The following GALNT2 variants were observed in gnomAD, a reference collection of about 807,000 sequenced individuals.
The protein encoded by GALNT2 is polypeptide N-acetylgalactosaminyltransferase 2.
Under a neutral mutation model 81.4 loss-of-function variants are expected in GALNT2, and 31 were observed. The ratio of observed to expected loss-of-function variants is 0.38; its 90% CI spans 0.29 to 0.51. The LOEUF is 0.51. GALNT2 is among the 20% of genes least tolerant of loss of function. The pLI, the probability that GALNT2 is intolerant of heterozygous loss-of-function variation, is 0.87. For missense variants in GALNT2, 629 were observed against 765.7 expected (o/e 0.82, Z 2.11); for synonymous variants, 303 against 287.4 (o/e 1.05, Z -0.55).
At chr1:230,067,462 C>T (rs1659230677) in intron 1 of GALNT2, 56 bp downstream of exon 1, 12 of 654,210 alleles carry the variant, frequency 1.8e-5, no homozygotes, top group Admixed American at 4.9e-5. Flanking sequence ...CACCCTGCGC[C>T]CCTGTCCCCT....
At chr1:230,270,750 G>A (rs911305600) in intron 14 of GALNT2, among the ~76,000 whole-genome samples, 49 of 152,212 alleles carry the variant, frequency 3.2e-4, no homozygotes, top group African/African-American at 1.1e-3. Flanking sequence ...TCTGGTTTCC[G>A]GCTGAGCCTT....
intron 6 of GALNT2, among the ~76,000 whole-genome samples, chr1:230,239,069 TG>T (rs1211469542): frequency 3.9e-5 from 6 of 152,186 alleles, no homozygotes; most frequent in Non-Finnish European, 8.8e-5. Context: ...CAAGAAATTT[TG>T]TATTTTATCA....
At chr1:230,217,793 C>T (rs79975717) in intron 3 of GALNT2, among the ~76,000 whole-genome samples, 11 of 152,322 alleles carry the variant, frequency 7.2e-5, no homozygotes, top group Admixed American at 3.9e-4. Context: ...GGACAAACTC[C>T]CTTCATTAAG....
intron 13 of GALNT2, chr1:230,263,870 T>C (rs1427273053): frequency 6.6e-6 from 1 of 152,248 alleles, no homozygotes; most frequent in Non-Finnish European, 1.5e-5. Context: ...TCAGAGCCCT[T>C]GTCACGGAGA....
rs543449421 is a variant in GALNT2 at position 230,170,895 on chromosome 1, G to C, written c.127-7323G>C. Among the ~76,000 whole-genome samples, 8 of 152,256 alleles carry C rather than the reference G, an allele frequency of 5.3e-5. No individual in the cohort carries two copies. In the South Asian group the frequency reaches 1.5e-3, roughly 28 times the overall value. On this transcript the variant is annotated intron_variant, in intron 1 of 15. Transcript: ENST00000366672. Reference sequence around the variant, plus strand: ...CCCATGACGCAAACACCCCCACCAGGCCTCACCTCCAACATTGGGGATCAC... The same window carrying C: ...CCCATGACGCAAACACCCCCACCAGCCCTCACCTCCAACATTGGGGATCAC...
At chr1:230,269,267 C>G (rs1446097672) in intron 14 of GALNT2, among the ~76,000 whole-genome samples, 13 of 150,598 alleles carry the variant, frequency 8.6e-5, no homozygotes, top group Admixed American at 6.0e-4. Flanking sequence ...CTCACTGCCA[C>G]CTCCGCCTCC....
rs530871126 is a variant in GALNT2 at position 230,279,767 on chromosome 1, C to T, written c.*309C>T. The T allele has an allele frequency of 5.1e-5, 26 of 506,588 alleles. No homozygotes were observed. Among genetic ancestry groups the T allele is most frequent in the Non-Finnish European group, 9.2e-5 (24 of 261,928 alleles). The allele number at this position is 506,588 out of a possible 1,614,324, so 31.4% of individuals were successfully genotyped here. A position where few individuals can be genotyped will look rare whatever the true frequency, so the allele number is the denominator to read the frequency against. Reference sequence around the variant, plus strand: ...CAACTGAGTGACACCCAGCGACAACCGACTGGGGAGTGGTAGAAGCAACTG... The same window carrying T: ...CAACTGAGTGACACCCAGCGACAACTGACTGGGGAGTGGTAGAAGCAACTG... On this transcript the variant is annotated 3_prime_UTR_variant, in exon 16 of 16. Transcript: ENST00000366672. The surrounding 1 kb of genome is among the most constrained non-coding windows in gnomAD (Gnocchi z 4.6).
Position 230,200,288 on chromosome 1 carries a change from G to C in GALNT2, c.221-2849G>C, listed in dbSNP as rs552362251. Among the ~76,000 whole-genome samples the C allele has an allele frequency of 1.1e-4, 17 of 152,034 alleles. No homozygotes were observed. The South Asian group carries it at 2.5e-3, about 22-fold the overall frequency. On this transcript the variant is annotated intron_variant, in intron 2 of 15. Transcript: ENST00000366672. ...CATGTTGGCCAGGCTGGTCTCGAACGCCTGGCCTCGTGATCCACCTGCCTC... is the reference window on the plus strand; with the variant it reads ...CATGTTGGCCAGGCTGGTCTCGAACCCCTGGCCTCGTGATCCACCTGCCTC...
chr1:230,192,187 GT>G (rs1663548373), intron 2 of GALNT2, among the ~76,000 whole-genome samples: 1 of 152,260 alleles, frequency 6.6e-6, no homozygotes, highest in African/African-American at 2.4e-5. Context: ...TTAAAAGTGA[GT>G]TGTCGGGTGC....
intron 15 of GALNT2, among the ~76,000 whole-genome samples, chr1:230,277,982 G>A (rs1196827263): frequency 6.6e-6 from 1 of 150,574 alleles, no homozygotes; most frequent in East Asian, 1.9e-4. Context: ...CGTGCACACA[G>A]TATAAAAAAT....
chr1:230,102,337 A>G (rs1435612524), intron 1 of GALNT2, among the ~76,000 whole-genome samples: 1 of 152,176 alleles, frequency 6.6e-6, no homozygotes, highest in African/African-American at 2.4e-5. Flanking sequence ...TCTGTGAATC[A>G]GGAATAGAGC....
At chr1:230,065,181 C>A (rs11122260), upstream of GALNT2, among the ~76,000 whole-genome samples, 41,575 of 151,998 alleles carry the variant, frequency 0.27, 10,518 homozygotes, top group African/African-American at 0.67. Context: ...CTCTCTGAAC[C>A]TTTTTACTTC....
chr1:230,230,164 C>T (rs1000838726), intron 3 of GALNT2, among the ~76,000 whole-genome samples: 15 of 152,130 alleles, frequency 9.9e-5, no homozygotes, highest in African/African-American at 3.6e-4. Context: ...GGCTCATTGC[C>T]TTGGTAAATT....
At chr1:230,076,232 G>A (rs759731977) in intron 1 of GALNT2, among the ~76,000 whole-genome samples, 2 of 152,182 alleles carry the variant, frequency 1.3e-5, no homozygotes, top group Non-Finnish European at 2.9e-5. Flanking sequence ...ATATGCTTGT[G>A]GAACAATCTC....
intron 1 of GALNT2, among the ~76,000 whole-genome samples, chr1:230,121,883 A>G (rs1661026539): frequency 6.6e-6 from 1 of 151,044 alleles, no homozygotes; most frequent in Non-Finnish European, 1.5e-5. Flanking sequence ...TATTTATCTT[A>G]TAACGTTTAT....
intron 1 of GALNT2, among the ~76,000 whole-genome samples, chr1:230,107,783 C>T (rs965795374): frequency 5.3e-5 from 8 of 152,070 alleles, no homozygotes; most frequent in African/African-American, 1.7e-4. Context: ...TCTTCCTAGA[C>T]GATGTTTATC....
chr1:230,243,346 A>T lies in GALNT2; in HGVS notation c.648A>T (p.Gln216His), dbSNP rs142046356. The change falls in exon 7 of 16, where the codon CAA (glutamine) becomes CAT (histidine). Residue 216 changes from glutamine (Q) to histidine (H), a missense_variant. Physicochemically the swap from Gln to His is conservative, Grantham distance 24 (BLOSUM62 0). Transcript: ENST00000366672. This position sits in a 1 kb window ranked among gnomAD's most constrained non-coding sequence, Gnocchi z 4.2. ...RSRVRGADAA[Q>H]AKVLTFLDSH... ...GGGTTCGGGGGGCCGATGCTGCCCA[A>T]GCCAAGGTCCTGACCTTCCTGGACA... 1.8e-3 allele frequency: 2,929 copies of T among 1,611,186 alleles called. 6 individuals are homozygous for T. Among genetic ancestry groups the T allele is most frequent in the Admixed American group, 5.5e-3 (327 of 59,934 alleles).
chr1:230,223,611 C>G (rs1296048530), intron 3 of GALNT2, among the ~76,000 whole-genome samples: 2 of 152,060 alleles, frequency 1.3e-5, no homozygotes, highest in Non-Finnish European at 1.5e-5. Flanking sequence ...GCTGGGACTA[C>G]AGGCACCCGC....
In GALNT2 at chr1:230,210,210, ATC is replaced by A. The variant is rs564937413; in HGVS notation, c.374+6924_374+6925del. ...TAGAGGAACCCAGGAAGTTTATGAA[ATC>A]TCTTTCTCTCTACTAGGGAAAACTT... On this transcript the variant is annotated intron_variant, in intron 3 of 15. Transcript: ENST00000366672. 1.1e-4 allele frequency among the ~76,000 whole-genome samples: 16 copies of A among 152,298 alleles called. 1 individual carries two copies. In the East Asian group the frequency reaches 3.1e-3, roughly 29 times the overall value.
Sources: gnomAD v4.1 joint callset for allele counts (sites outside exome capture counted in the v4.1 genomes callset) on GRCh38, gnomAD v4.1.1 for gene constraint, Gnocchi (gnomAD v3.1) non-coding constraint, MANE v1.5 for transcripts, NCBI Gene and HGNC (gene_info 2026-07-23, HGNC 2026-07-21) for gene names.